Variants in BST1 observed in about 807,000 individuals in gnomAD.
BST1 encodes the protein ADP-ribosyl cyclase/cyclic ADP-ribose hydrolase 2.
In BST1, 49 loss-of-function variants were observed where a neutral mutation model predicts 40.6. The ratio of observed to expected loss-of-function variants is 1.21; its 90% CI spans 0.96 to 1.53. The LOEUF is 1.53. BST1 is among the 40% of genes most tolerant of loss of function. The pLI, the probability that BST1 is intolerant of heterozygous loss-of-function variation, is 0.00. For synonymous variants in BST1, 157 were observed against 159.3 expected (o/e 0.99, Z 0.11); for missense variants, 423 against 395.9 (o/e 1.07, Z -0.58).
At chr4:15,715,560 G>A (rs113545242) in intron 5 of BST1, 147 bp from the exon 6 acceptor site, 4 of 763,904 alleles carry the variant, frequency 5.2e-6, no homozygotes, top group South Asian at 2.1e-5. Flanking sequence ...GATGAATACA[G>A]GAATAAAAAG....
intron 8 of BST1, chr4:15,731,023 C>T: frequency 1.7e-6 from 1 of 598,154 alleles, no homozygotes; most frequent in South Asian, 1.7e-5. Flanking sequence ...GACATTCTGC[C>T]AGTTTTTCTG....
chr4:15,755,032 A>C, the BST1 span, among the ~76,000 whole-genome samples: 1 of 152,118 alleles, frequency 6.6e-6, no homozygotes, highest in East Asian at 1.9e-4. Flanking sequence ...CCCTCACTTT[A>C]TTTTTTACAG....
In BST1 at chr4:15,713,761, T is replaced by C. The variant is rs977318209; in HGVS notation, c.535-1524T>C. Among the ~76,000 whole-genome samples, 23 of 151,972 alleles carry C rather than the reference T, an allele frequency of 1.5e-4. 1 individual carries two copies. The highest frequency in any genetic ancestry group is 5.3e-4 in the African/African-American group (22 of 41,350). On this transcript the variant is annotated intron_variant, in intron 4 of 8. Coordinates refer to ENST00000265016, the MANE Select transcript of BST1 (RefSeq NM_004334.3). ...CTCTGTCACCCAGACTGGAGTGCAG[T>C]GGTACATTCTCAGCTCACTGCAACC...
intron 1 of BST1, among the ~76,000 whole-genome samples, chr4:15,704,155 A>G (rs1053498216): frequency 0.011 from 431 of 38,554 alleles, no homozygotes; most frequent in Admixed American, 0.014. Context: ...GAGGTGAGGG[A>G]TGTGTGTGTG....
chr4:15,763,319 C>A, the BST1 span, among the ~76,000 whole-genome samples: 1 of 151,606 alleles, frequency 6.6e-6, no homozygotes, highest in Non-Finnish European at 1.5e-5. Flanking sequence ...AAATATGTAT[C>A]ATATAATGTG....
At chr4:15,722,753 T>G in intron 7 of BST1, 122 bp from the exon 8 acceptor site, 1 of 765,772 alleles carries the variant, frequency 1.3e-6, no homozygotes, top group Non-Finnish European at 2.2e-6. Flanking sequence ...TTAGAGGAAA[T>G]AGTTTGTGTA....
exon 7 of BST1, chr4:15,738,034 G>T: frequency 3.1e-6 from 1 of 322,848 alleles, no homozygotes; most frequent in Non-Finnish European, 6.2e-6. Context: ...CTAGAATTGT[G>T]GATACAGGTG....
chr4:15,754,332 GC>G, the BST1 span, among the ~76,000 whole-genome samples: 1 of 152,122 alleles, frequency 6.6e-6, no homozygotes, highest in Admixed American at 6.5e-5. Context: ...GTGAAAACTG[GC>G]CTAAAAGAAC....
the BST1 span, among the ~76,000 whole-genome samples, chr4:15,772,539 TCCTGAGGAGGGGACA>T: frequency 1.3e-5 from 2 of 152,192 alleles, no homozygotes; most frequent in Non-Finnish European, 2.9e-5. Context: ...ACTCCTGGTC[TCCTGAGGAGGGGACA>T]CCCAGAAGAA....
Position 15,732,411 on chromosome 4 carries a change from G to A in BST1, c.*566G>A, listed in dbSNP as rs1451997247. 6.6e-6 allele frequency: 1 copy of A among 152,440 alleles called. No homozygotes were observed. The highest frequency in any genetic ancestry group is 1.5e-5 in the Non-Finnish European group (1 of 68,264). 9.4% of individuals were successfully genotyped at this position (152,440 alleles called of 1,614,324 possible). ...CAGCTCACTGCAACCTCTGCTTCCA[G>A]GATTCAAGCGATTCTCCTGCCTCAG... On this transcript the variant is annotated 3_prime_UTR_variant, in exon 9 of 9. Coordinates refer to ENST00000265016, the MANE Select transcript of BST1 (RefSeq NM_004334.3).
chr4:15,709,714 A>G lies in BST1; in HGVS notation c.451+2068A>G, dbSNP rs546319905. Among the ~76,000 whole-genome samples the G allele has an allele frequency of 3.9e-5, 6 of 152,304 alleles. No individual in the cohort carries two copies. The East Asian group carries it at 7.7e-4, about 20-fold the overall frequency. ...AGCAGTTCAGGTCAGCTAAATAACCATATGTGTATGTCATGGAATCCTGTG... is the reference window on the plus strand; with the variant it reads ...AGCAGTTCAGGTCAGCTAAATAACCGTATGTGTATGTCATGGAATCCTGTG... On this transcript the variant is annotated intron_variant, in intron 3 of 8. Coordinates refer to ENST00000265016, the MANE Select transcript of BST1 (RefSeq NM_004334.3).
chr4:15,728,449 CTTT>C (rs974237825), intron 8 of BST1, among the ~76,000 whole-genome samples: 8 of 119,584 alleles, frequency 6.7e-5, no homozygotes, highest in Admixed American at 2.7e-4. Context: ...AATTCTTTTT[CTTT>C]TTTTTTTTTT....
At chr4:15,764,873 G>GGTGTGTGTGTGTGTGTGT in the BST1 span, among the ~76,000 whole-genome samples, 4,063 of 137,386 alleles carry the variant, frequency 0.03, 73 homozygotes, top group Middle Eastern at 0.068. Flanking sequence ...AATTAGGTGA[G>GGTGTGTGTGTGTGTGTGT]GTGTGTGTGT....
chr4:15,720,373 C>T (rs977913791), intron 7 of BST1, among the ~76,000 whole-genome samples: 4 of 152,020 alleles, frequency 2.6e-5, no homozygotes, highest in Non-Finnish European at 1.5e-5. Flanking sequence ...AATCCCAGCA[C>T]TTTGGAAGGC....
chr4:15,771,890 G>T, the BST1 span, among the ~76,000 whole-genome samples: 6 of 152,210 alleles, frequency 3.9e-5, no homozygotes, highest in African/African-American at 1.4e-4. Flanking sequence ...TCATCTAAAA[G>T]AATTGGGTAA....
rs1326422694 is a variant in BST1 at position 15,731,615 on chromosome 4, CTT to C, written c.852-123_852-122del. 7 of 1,330,068 alleles carry C rather than the reference CTT, an allele frequency of 5.3e-6. No homozygotes were observed. In the Admixed American group the frequency reaches 6.0e-5, roughly 11 times the overall value. 82.4% of individuals were successfully genotyped at this position (1,330,068 alleles called of 1,614,324 possible). ...GCCTCCTACGGGGTGTCACGGGAGA[CTT>C]TGCTGCTCATGGCTTCTCGCTCCGC... On this transcript the variant is annotated intron_variant, in intron 8 of 8. Coordinates refer to ENST00000265016, the MANE Select transcript of BST1 (RefSeq NM_004334.3).
chr4:15,731,363 C>T (rs1010256543), intron 8 of BST1: 10 of 510,414 alleles, frequency 2.0e-5, no homozygotes, highest in African/African-American at 2.0e-4. Flanking sequence ...TTTTCAGTAC[C>T]TCGTTTTCCA....
At chr4:15,711,208 T>A (rs1720182711) in intron 3 of BST1, among the ~76,000 whole-genome samples, 2 of 152,194 alleles carry the variant, frequency 1.3e-5, no homozygotes, top group South Asian at 4.1e-4. Context: ...GATTAGAAAT[T>A]TTTTTTCTTT....
At chr4:15,710,926 A>T (rs1720166909) in intron 3 of BST1, among the ~76,000 whole-genome samples, 1 of 152,016 alleles carries the variant, frequency 6.6e-6, no homozygotes. Flanking sequence ...AGTAGCTGGG[A>T]CTACAGATGC....
Sources: allele counts gnomAD v4.1 joint callset (sites outside exome capture counted in the v4.1 genomes callset), GRCh38; gene constraint gnomAD v4.1.1; transcripts MANE v1.5; gene names NCBI Gene and HGNC (gene_info 2026-07-23, HGNC 2026-07-21).